The following CCL28 variants were observed in gnomAD, a reference collection of about 807,000 sequenced individuals.
The protein encoded by CCL28 is C-C motif chemokine 28.
A neutral mutation model predicts 7.1 loss-of-function variants in CCL28; 4 were observed. The observed-to-expected ratio is 0.56, with a 90% CI of 0.28 to 1.29. The LOEUF (loss-of-function observed/expected upper bound fraction) is 1.29, where lower values mean the gene tolerates loss of function less well. Among genes scored for constraint, CCL28 ranks in the 50% most tolerant of loss-of-function variants. CCL28 has a pLI of 0.11. For missense variants in CCL28, 151 were observed against 163.4 expected (o/e 0.92, Z 0.41); for synonymous variants, 55 against 57.8 (o/e 0.95, Z 0.22).
chr5:43,377,032 G>A (rs1739905038), downstream of CCL28: 2 of 152,242 alleles, frequency 1.3e-5, no homozygotes, highest in African/African-American at 4.8e-5. Context: ...GAAGGGGTCA[G>A]CAAGCAAAGT....
At chr5:43,400,984 G>A (rs1741004669) in intron 1 of CCL28, among the ~76,000 whole-genome samples, 1 of 151,612 alleles carries the variant, frequency 6.6e-6, no homozygotes, top group Non-Finnish European at 1.5e-5. Context: ...TCAGGAGGCT[G>A]AGACAGGAGA....
intron 1 of CCL28, among the ~76,000 whole-genome samples, chr5:43,398,546 T>C (rs1169352911): frequency 6.6e-6 from 1 of 152,174 alleles, no homozygotes; most frequent in African/African-American, 2.4e-5. Context: ...TCTCTTCTAA[T>C]ATTCTGAATA....
At chr5:43,358,328 T>C in the CCL28 span, among the ~76,000 whole-genome samples, 2 of 152,178 alleles carry the variant, frequency 1.3e-5, no homozygotes, top group Non-Finnish European at 2.9e-5. Flanking sequence ...ATTGGCTTTA[T>C]AGACAGAAAA....
At chr5:43,368,275 A>C in the CCL28 span, among the ~76,000 whole-genome samples, 1 of 152,220 alleles carries the variant, frequency 6.6e-6, no homozygotes, top group Non-Finnish European at 1.5e-5. Flanking sequence ...TCTCCTTCAC[A>C]AAATTTTTGC....
the CCL28 span, among the ~76,000 whole-genome samples, chr5:43,368,927 G>A: frequency 6.6e-6 from 1 of 150,796 alleles, no homozygotes; most frequent in African/African-American, 2.4e-5. Context: ...CCTAGTTTGT[G>A]GTACTTTGTT....
At chr5:43,399,099 C>G (rs36025143) in intron 1 of CCL28, among the ~76,000 whole-genome samples, 1 of 152,210 alleles carries the variant, frequency 6.6e-6, no homozygotes, top group Admixed American at 6.5e-5. Flanking sequence ...CCAAACTCAA[C>G]AGAGCCGCAA....
chr5:43,412,391 T>C lies in CCL28; in HGVS notation c.-75A>G. ...TCAGGAAATGAGGCTAAAGGTGTCC[T>C]TGGGCACAGAGAAAGTGCAGAGGAA... On this transcript the variant is annotated 5_prime_UTR_variant, in exon 1 of 3. Coordinates refer to ENST00000361115, the MANE Select transcript of CCL28 (RefSeq NM_148672.3). The C allele has an allele frequency of 7.2e-7, 1 of 1,385,806 alleles. No individual in the cohort carries two copies. The highest frequency in any genetic ancestry group is 1.0e-6 in the Non-Finnish European group (1 of 994,898). 85.8% of individuals were successfully genotyped at this position (1,385,806 alleles called of 1,614,324 possible).
intron 1 of CCL28, among the ~76,000 whole-genome samples, chr5:43,405,112 A>G (rs766509149): frequency 6.9e-5 from 10 of 143,928 alleles, no homozygotes; most frequent in Middle Eastern, 3.4e-3. Context: ...CAGAAAGTTA[A>G]CAAAGATATC....
At chr5:43,391,751 T>A (rs985217154) in intron 1 of CCL28, among the ~76,000 whole-genome samples, 3 of 152,232 alleles carry the variant, frequency 2.0e-5, no homozygotes, top group Admixed American at 2.0e-4. Context: ...CTAGTGTAAC[T>A]GCCATGTGTG....
chr5:43,405,114 A>G (rs1741215556), intron 1 of CCL28, among the ~76,000 whole-genome samples: 1 of 143,862 alleles, frequency 7.0e-6, no homozygotes, highest in Non-Finnish European at 1.5e-5. Context: ...GAAAGTTAAC[A>G]AAGATATCCA....
chr5:43,393,296 A>G (rs1408774061), intron 1 of CCL28, among the ~76,000 whole-genome samples: 1 of 151,784 alleles, frequency 6.6e-6, no homozygotes, highest in Middle Eastern at 3.4e-3. Flanking sequence ...GGCCTCCCCA[A>G]ATGTTGGGAT....
intron 1 of CCL28, among the ~76,000 whole-genome samples, chr5:43,404,845 A>T (rs1320648588): frequency 1.3e-5 from 2 of 151,946 alleles, no homozygotes; most frequent in African/African-American, 4.8e-5. Flanking sequence ...AACAAAAAAA[A>T]CAGGGTTGCA....
intron 2 of CCL28, among the ~76,000 whole-genome samples, chr5:43,386,749 C>T (rs1276864331): frequency 5.3e-5 from 8 of 152,244 alleles, no homozygotes; most frequent in South Asian, 2.1e-4. Context: ...CTTTTAAGAA[C>T]GCTTATCTTG....
At chr5:43,388,548 G>C (rs1740436362) in intron 1 of CCL28, 72 bp from the exon 2 acceptor site, 2 of 1,455,074 alleles carry the variant, frequency 1.4e-6, no homozygotes, top group East Asian at 4.7e-5. Context: ...TCATTTTAAA[G>C]ATTTCAGAGA....
At chr5:43,358,475 C>A in the CCL28 span, among the ~76,000 whole-genome samples, 2 of 152,206 alleles carry the variant, frequency 1.3e-5, no homozygotes, top group Admixed American at 1.3e-4. Context: ...CTATCTTTCT[C>A]TCTTCTCGTT....
chr5:43,377,046 C>T (rs1043578201), downstream of CCL28: 4 of 152,168 alleles, frequency 2.6e-5, no homozygotes, highest in African/African-American at 9.7e-5. Context: ...GCAAAGTGAC[C>T]TAGTGATTAA....
At chr5:43,390,928 A>C (rs1220619457) in intron 1 of CCL28, among the ~76,000 whole-genome samples, 1 of 152,196 alleles carries the variant, frequency 6.6e-6, no homozygotes, top group Non-Finnish European at 1.5e-5. Flanking sequence ...GTAGCATCTG[A>C]TGTGTCTATG....
At chr5:43,365,560 C>A in the CCL28 span, among the ~76,000 whole-genome samples, 1 of 152,058 alleles carries the variant, frequency 6.6e-6, no homozygotes, top group East Asian at 1.9e-4. Context: ...TCTTGCAAGG[C>A]AGGCTTGGTG....
intron 1 of CCL28, among the ~76,000 whole-genome samples, chr5:43,407,397 A>T (rs1370451334): frequency 6.6e-6 from 1 of 152,236 alleles, no homozygotes; most frequent in Non-Finnish European, 1.5e-5. Context: ...TGGGGAAAGG[A>T]TTCCCTATTT....
Sources: allele counts gnomAD v4.1 joint callset (sites outside exome capture counted in the v4.1 genomes callset), GRCh38; gene constraint gnomAD v4.1.1; transcripts MANE v1.5; gene names NCBI Gene and HGNC (gene_info 2026-07-23, HGNC 2026-07-21).